TMLHE: variants seen among roughly 807,000 people sequenced by gnomAD.
The protein encoded by TMLHE is trimethyllysine hydroxylase, epsilon, also known as trimethyllysine dioxygenase, mitochondrial.
A neutral mutation model predicts 25.7 loss-of-function variants in TMLHE; 18 were observed. That is an observed-to-expected ratio of 0.70 (90% CI 0.48 to 1.04). The LOEUF (loss-of-function observed/expected upper bound fraction) is 1.04. TMLHE is among the 50% of genes least tolerant of loss of function. TMLHE has a pLI of 0.00. For synonymous variants in TMLHE, 105 were observed against 97.0 expected, an observed-to-expected ratio of 1.08 and a Z score of -0.49; for missense variants, 236 against 259.0, an observed-to-expected ratio of 0.91 and a Z score of 0.61.
chrX:155,514,192 T>A lies in TMLHE; in HGVS notation c.432A>T (p.Lys144Asn). The part of the protein sequence containing the change: ...VKNSYEGQKQ[K>N]VIQPRILWNA... ...TCCATAGTATTCTAGGCTGGATGAC[T>A]TTTTGTTTCTGCCCTTCATAGCTGT... Residue 144 changes from lysine to asparagine, a missense_variant, in exon 4 of 8, where the codon AAA becomes AAT. Lys to Asn is a moderately conservative substitution (Grantham distance 94). Around this residue, in one of 2 missense-constraint regions of TMLHE, gnomAD observed 217 missense variants for 214.6 expected, o/e 1.01. Coordinates refer to ENST00000334398, the MANE Select transcript of TMLHE (RefSeq NM_018196.4). 1 of 1,211,050 alleles carries A rather than the reference T, an allele frequency of 8.3e-7. No individual in the cohort carries two copies. The highest frequency in any genetic ancestry group is 1.1e-6 in the Non-Finnish European group (1 of 894,989).
chrX:155,539,394 C>A (rs1415809635), intron 2 of TMLHE, among the ~76,000 whole-genome samples: 2 of 111,124 alleles, frequency 1.8e-5, no homozygotes, highest in African/African-American at 6.6e-5. Flanking sequence ...AGAGAGATGG[C>A]AGTATCACAG....
chrX:155,610,999 G>T (rs1461037601), intron 1 of TMLHE, among the ~76,000 whole-genome samples: 1 of 111,701 alleles, frequency 9.0e-6, no homozygotes, highest in Non-Finnish European at 1.9e-5. Context: ...GCTAAACAAG[G>T]CAGACACCAG....
At chrX:155,536,087 T>A (rs1380488117) in intron 2 of TMLHE, among the ~76,000 whole-genome samples, 2 of 111,862 alleles carry the variant, frequency 1.8e-5, no homozygotes, top group African/African-American at 6.5e-5. Flanking sequence ...ACTCTCCAGG[T>A]TGGATTAAGT....
chrX:155,490,103 C>T lies in TMLHE; in HGVS notation c.*1432G>A, dbSNP rs1305747215. 3 of 22,694 alleles carry T rather than the reference C, an allele frequency of 1.3e-4. No individual in the cohort carries two copies. The East Asian group carries it at 3.3e-3, about 25-fold the overall frequency. The allele number at this position is 22,694 out of a possible 1,213,427, so 1.9% of individuals were successfully genotyped here. A position where few individuals can be genotyped will look rare whatever the true frequency, so the allele number is the denominator to read the frequency against. Reference sequence around the variant, plus strand: ...GAAGCCATTTAAAAAATAAAAGCAGCAAGCTACTAAATTTGACTCATTCAA... The same window carrying T: ...GAAGCCATTTAAAAAATAAAAGCAGTAAGCTACTAAATTTGACTCATTCAA... On this transcript the variant is annotated 3_prime_UTR_variant, in exon 8 of 8. Coordinates refer to ENST00000334398, the MANE Select transcript of TMLHE (RefSeq NM_018196.4).
At chrX:155,548,043 C>G (rs1461207422) in intron 1 of TMLHE, among the ~76,000 whole-genome samples, 3 of 111,566 alleles carry the variant, frequency 2.7e-5, no homozygotes, top group Non-Finnish European at 1.9e-5. Flanking sequence ...ACTGGATATC[C>G]ATATGCAGAA....
At chrX:155,548,663 AG>A (rs1315935348) in intron 1 of TMLHE, among the ~76,000 whole-genome samples, 1 of 108,501 alleles carries the variant, frequency 9.2e-6, no homozygotes, top group Admixed American at 9.8e-5. Context: ...TGAACCCAGG[AG>A]GCAAAGGTTG....
intron 2 of TMLHE, among the ~76,000 whole-genome samples, chrX:155,526,969 A>G (rs2067223438): frequency 8.9e-6 from 1 of 112,591 alleles, no homozygotes; most frequent in Non-Finnish European, 1.9e-5. Context: ...TTACAAGCTC[A>G]TAGGTGGAAG....
intron 1 of TMLHE, among the ~76,000 whole-genome samples, chrX:155,574,258 G>A (rs1603077754): frequency 9.6e-6 from 1 of 104,184 alleles, no homozygotes; most frequent in South Asian, 3.7e-4. Flanking sequence ...GGCAGACTAC[G>A]TATATTTACA....
intron 1 of TMLHE, among the ~76,000 whole-genome samples, chrX:155,580,983 G>C (rs782223823): frequency 2.7e-5 from 3 of 111,946 alleles, no homozygotes; most frequent in South Asian, 3.7e-4. Context: ...CCATGATCAA[G>C]TGGGCTTCAT....
intron 1 of TMLHE, among the ~76,000 whole-genome samples, chrX:155,587,795 C>T (rs898079447): frequency 5.4e-5 from 6 of 111,350 alleles, no homozygotes; most frequent in African/African-American, 2.0e-4. Flanking sequence ...TAAATTTAAT[C>T]GAGGTGAAAA....
rs1473241782 is a variant in TMLHE, at chrX:155,589,586, T to A, written c.-2+23206A>T. Among the ~76,000 whole-genome samples the A allele has an allele frequency of 2.7e-5, 3 of 111,947 alleles. No individual in the cohort carries two copies. In the East Asian group the frequency reaches 8.4e-4, roughly 31 times the overall value. ...ATTTATGAAAGGTAAAATCACTGAT[T>A]TCATGAAGATAGAGACCAGAATGAT... is the stretch of plus-strand genomic sequence containing the variant. On this transcript the variant is annotated intron_variant, in intron 1 of 7. Transcript: ENST00000334398.
At chrX:155,532,970 CTA>C (rs1400058679) in intron 2 of TMLHE, among the ~76,000 whole-genome samples, 1 of 111,388 alleles carries the variant, frequency 9.0e-6, no homozygotes, top group East Asian at 2.8e-4. Context: ...ATGGTTAACT[CTA>C]TATGTCAATT....
chrX:155,522,011 C>T (rs978854640), intron 3 of TMLHE, among the ~76,000 whole-genome samples: 6 of 110,267 alleles, frequency 5.4e-5, no homozygotes, highest in South Asian at 3.9e-4. Flanking sequence ...AGCTGTACAC[C>T]GGAGCTGTTC....
intron 3 of TMLHE, among the ~76,000 whole-genome samples, chrX:155,521,678 C>T (rs1302788594): frequency 2.7e-4 from 5 of 18,680 alleles, no homozygotes; most frequent in Non-Finnish European, 4.3e-4. Flanking sequence ...AGCGAGATTC[C>T]GTGGGCGTAG....
intron 2 of TMLHE, among the ~76,000 whole-genome samples, chrX:155,539,893 A>C (rs1230637652): frequency 4.5e-5 from 5 of 110,893 alleles, no homozygotes; most frequent in African/African-American, 1.6e-4. Context: ...GTATCTAATA[A>C]TCGAATTGGA....
rs782675166 is a variant in TMLHE, at chrX:155,531,393, A to G, written c.182-6761T>C. Among the ~76,000 whole-genome samples, 3 of 111,446 alleles carry G rather than the reference A, an allele frequency of 2.7e-5. No individual in the cohort carries two copies. The South Asian group carries it at 1.1e-3, about 43-fold the overall frequency. ...TGGCAGAAGGTGAAGGGGAGCTAAC[A>G]TGACACATAGTGAGAGAGAGAGCAA... is the stretch of plus-strand genomic sequence containing the variant. On this transcript the variant is annotated intron_variant, in intron 2 of 7. Transcript: ENST00000334398.
intron 1 of TMLHE, among the ~76,000 whole-genome samples, chrX:155,603,821 G>T (rs1357650067): frequency 2.7e-5 from 3 of 111,898 alleles, no homozygotes; most frequent in Non-Finnish European, 5.6e-5. Flanking sequence ...AAAACTTTTA[G>T]AAACATAGGA....
intron 1 of TMLHE, among the ~76,000 whole-genome samples, chrX:155,586,604 G>C (rs2067666188): frequency 9.0e-6 from 1 of 111,089 alleles, no homozygotes; most frequent in African/African-American, 3.3e-5. Context: ...AGATAAACAA[G>C]TTTTATAAAC....
chrX:155,527,783 C>T (rs2067228221), intron 2 of TMLHE, among the ~76,000 whole-genome samples: 1 of 111,749 alleles, frequency 8.9e-6, no homozygotes, highest in South Asian at 3.7e-4. Flanking sequence ...GTAGGAAAGG[C>T]TGTTTTAATA....
Sources: allele counts gnomAD v4.1 joint callset (sites outside exome capture counted in the v4.1 genomes callset), GRCh38; gene constraint gnomAD v4.1.1; regional missense constraint gnomAD v4.1.1; transcripts MANE v1.5; gene names NCBI Gene and HGNC (gene_info 2026-07-23, HGNC 2026-07-21).